Variants in ESR2 observed in about 807,000 individuals in gnomAD.
ESR2 encodes the protein estrogen receptor 2.
In ESR2, 36 loss-of-function variants were observed where a neutral mutation model predicts 49.6. That is an observed-to-expected ratio of 0.73 (90% CI 0.56 to 0.96). The LOEUF is 0.96. ESR2 is among the 40% of genes least tolerant of loss of function. The pLI, the probability that ESR2 is intolerant of heterozygous loss-of-function variation, is 0.00. For missense variants in ESR2, 714 were observed against 693.0 expected (o/e 1.03, Z -0.34); for synonymous variants, 320 against 266.1 (o/e 1.20, Z -1.97).
intron 8 of ESR2, chr14:64,234,639 C>T: frequency 2.3e-6 from 1 of 444,072 alleles, no homozygotes; most frequent in Admixed American, 3.7e-5. Context: ...GGGCCTCAGC[C>T]CTGGGTGGTG....
rs933164251 is a variant in ESR2, at chr14:64,234,713, T to A, written c.1406+257A>T. The stretch of plus-strand genomic sequence containing the variant: ...CCCTTTTAGGACTCCATAAACAGGC[T>A]ATAAACCCCAGCAATTGAAAAACCC... On this transcript the variant is annotated intron_variant, in intron 8 of 8. Coordinates refer to ENST00000341099, the MANE Select transcript of ESR2 (RefSeq NM_001437.3). The A allele has an allele frequency of 4.2e-5, 30 of 716,618 alleles. No individual in the cohort carries two copies. In the African/African-American group the frequency reaches 5.0e-4, roughly 12 times the overall value. 44.4% of individuals were successfully genotyped at this position (716,618 alleles called of 1,614,324 possible).
chr14:64,295,338 A>G (rs914889852), upstream of ESR2, among the ~76,000 whole-genome samples: 1 of 152,212 alleles, frequency 6.6e-6, no homozygotes, highest in Non-Finnish European at 1.5e-5. Flanking sequence ...AAAGTTTTAC[A>G]GTACCAGCCT....
upstream of ESR2, among the ~76,000 whole-genome samples, chr14:64,296,112 A>G (rs1360489967): frequency 6.6e-6 from 1 of 151,970 alleles, no homozygotes; most frequent in East Asian, 1.9e-4. Context: ...ATATCTCTGG[A>G]AATGGAAACC....
chr14:64,273,722 T>A lies in ESR2; in HGVS notation c.536-4811A>T, dbSNP rs75401213. 6.4e-3 allele frequency among the ~76,000 whole-genome samples: 976 copies of A among 152,328 alleles called. 10 individuals carry two copies. Among genetic ancestry groups the A allele is most frequent in the African/African-American group, 0.022 (922 of 41,578 alleles). Reference sequence around the variant, plus strand: ...TTGTATTTTATTGAGGATTTTTACATCAATATTCATTGGGGATATTGGTCT... The same window carrying A: ...TTGTATTTTATTGAGGATTTTTACAACAATATTCATTGGGGATATTGGTCT... On this transcript the variant is annotated intron_variant, in intron 3 of 8. Transcript: ENST00000341099.
At chr14:64,237,345 A>G (rs2075625854) in intron 7 of ESR2, among the ~76,000 whole-genome samples, 1 of 152,142 alleles carries the variant, frequency 6.6e-6, no homozygotes, top group Non-Finnish European at 1.5e-5. Context: ...ACACACAGAA[A>G]ATTATCAAAA....
chr14:64,259,485 A>G (rs925783102), intron 5 of ESR2, among the ~76,000 whole-genome samples: 1 of 152,214 alleles, frequency 6.6e-6, no homozygotes, highest in African/African-American at 2.4e-5. Context: ...TCACAGGGGG[A>G]TCGTGGGGTG....
intron 1 of ESR2, among the ~76,000 whole-genome samples, chr14:64,302,160 T>TTTTTTTTATTTATTTA (rs1555593263): frequency 3.6e-5 from 5 of 138,164 alleles, no homozygotes; most frequent in African/African-American, 1.4e-4. Context: ...TATTTTTTAT[T>TTTTTTTTATTTATTTA]TTTATTTATT....
intron 1 of ESR2, among the ~76,000 whole-genome samples, chr14:64,291,482 T>C (rs2076869159): frequency 6.6e-6 from 1 of 152,206 alleles, no homozygotes; most frequent in Admixed American, 6.6e-5. Context: ...GTAAGTTACA[T>C]ATTTAAAATA....
chr14:64,263,806 A>C (rs1314089177), intron 4 of ESR2, among the ~76,000 whole-genome samples: 2 of 152,236 alleles, frequency 1.3e-5, no homozygotes, highest in Non-Finnish European at 2.9e-5. Flanking sequence ...GCAAAAAGTC[A>C]GAATGCAGAA....
intron 2 of ESR2, among the ~76,000 whole-genome samples, chr14:64,281,221 T>A (rs2140813878): frequency 6.6e-6 from 1 of 152,156 alleles, no homozygotes; most frequent in East Asian, 1.9e-4. Flanking sequence ...AAGAGGTTCA[T>A]AAAGGAACGA....
chr14:64,286,145 CAA>C (rs963889387), intron 1 of ESR2, among the ~76,000 whole-genome samples: 4 of 152,052 alleles, frequency 2.6e-5, no homozygotes, highest in Admixed American at 6.6e-5. Flanking sequence ...GAACTAACAC[CAA>C]AGTGGTACCA....
chr14:64,272,545 C>T (rs1467608419), intron 3 of ESR2, among the ~76,000 whole-genome samples: 2 of 152,196 alleles, frequency 1.3e-5, no homozygotes. Flanking sequence ...AGATTTAAGT[C>T]ACTGATCCAT....
intron 1 of ESR2, among the ~76,000 whole-genome samples, chr14:64,304,784 G>A (rs2077068368): frequency 6.6e-6 from 1 of 152,098 alleles, no homozygotes; most frequent in African/African-American, 2.4e-5. Flanking sequence ...GCTGAGGTGG[G>A]AGGATGGCTT....
Position 64,230,153 on chromosome 14 carries a change from C to T in ESR2, c.*2984G>A, listed in dbSNP as rs943383376. On this transcript the variant is annotated 3_prime_UTR_variant, in exon 9 of 9. Coordinates refer to ENST00000341099, the MANE Select transcript of ESR2 (RefSeq NM_001437.3). ...TCGAGGCTGCAGTGAGCCATGATGGCGCCACTGCACTCTAGCCTGAGCAAC... is the reference window on the plus strand; with the variant it reads ...TCGAGGCTGCAGTGAGCCATGATGGTGCCACTGCACTCTAGCCTGAGCAAC... Among the ~76,000 whole-genome samples, 4 of 148,946 alleles carry T rather than the reference C, an allele frequency of 2.7e-5. No homozygotes were observed. Among genetic ancestry groups the T allele is most frequent in the Non-Finnish European group, 5.9e-5 (4 of 67,698 alleles).
intron 1 of ESR2, among the ~76,000 whole-genome samples, chr14:64,317,385 A>G (rs2077268897): frequency 6.6e-6 from 1 of 152,246 alleles, no homozygotes; most frequent in Non-Finnish European, 1.5e-5. Flanking sequence ...CTCAGCTTCC[A>G]GTGAGGCCTC....
chr14:64,252,460 A>G (rs942786614), intron 6 of ESR2, among the ~76,000 whole-genome samples: 1 of 152,234 alleles, frequency 6.6e-6, no homozygotes, highest in Non-Finnish European at 1.5e-5. Flanking sequence ...AATAACATGG[A>G]ATATCTTTGT....
Position 64,287,027 on chromosome 14 carries a change from T to G in ESR2, c.-90-3952A>C, listed in dbSNP as rs565880571. Among the ~76,000 whole-genome samples, 5 of 127,684 alleles carry G rather than the reference T, an allele frequency of 3.9e-5. No homozygotes were observed. In the South Asian group the frequency reaches 6.7e-4, roughly 17 times the overall value. 83.8% of individuals were successfully genotyped at this position (127,684 alleles called of 152,430 possible). ...TCACCGTGCCTGGCCTGAAGTTGTT[T>G]TTTTTTTTTTCTTTTTTAATTGTGT... On this transcript the variant is annotated intron_variant, in intron 1 of 8. Transcript: ENST00000341099.
intron 1 of ESR2, among the ~76,000 whole-genome samples, chr14:64,311,600 G>A (rs538573735): frequency 1.3e-5 from 2 of 148,220 alleles, no homozygotes; most frequent in African/African-American, 2.5e-5. Flanking sequence ...CTGAGATCAC[G>A]CCATTGCACT....
At chr14:64,332,813 A>G (rs1166684909) in intron 1 of ESR2, among the ~76,000 whole-genome samples, 2 of 150,376 alleles carry the variant, frequency 1.3e-5, no homozygotes, top group Admixed American at 6.7e-5. Context: ...AAAAAAAAAA[A>G]GGGTACCGTA....
Sources: gnomAD v4.1 joint callset for allele counts (sites outside exome capture counted in the v4.1 genomes callset) on GRCh38, gnomAD v4.1.1 for gene constraint, MANE v1.5 for transcripts, NCBI Gene and HGNC (gene_info 2026-07-23, HGNC 2026-07-21) for gene names.